VDR: variants seen among roughly 807,000 people sequenced by gnomAD.
The protein encoded by VDR is vitamin D receptor.
In VDR, 19 loss-of-function variants were observed where a neutral mutation model predicts 39.7. That is an observed-to-expected ratio of 0.48 (90% CI 0.33 to 0.70). The LOEUF (loss-of-function observed/expected upper bound fraction) is 0.70, where lower values mean the gene tolerates loss of function less well. VDR is among the 30% of genes least tolerant of loss of function. The pLI is 0.02. For missense variants in VDR, 442 were observed against 570.5 expected, an observed-to-expected ratio of 0.77 and a Z score of 2.29; for synonymous variants, 242 against 215.8, an observed-to-expected ratio of 1.12 and a Z score of -1.07.
chr12:47,904,570 C>T, intron 1 of VDR: 1 of 1,535,226 alleles, frequency 6.5e-7, no homozygotes, highest in Non-Finnish European at 8.7e-7. Context: ...ACACCCTCCA[C>T]TCCAGCAGTT....
intron 2 of VDR, 75 bp from the exon 3 acceptor site, chr12:47,879,190 C>G: frequency 1.3e-6 from 2 of 1,539,880 alleles, no homozygotes; most frequent in Non-Finnish European, 1.7e-6. Context: ...TGGTGCCACC[C>G]ACCCCCAGCC....
intron 3 of VDR, among the ~76,000 whole-genome samples, chr12:47,874,524 C>G (rs760935774): frequency 1.3e-5 from 2 of 152,172 alleles, no homozygotes; most frequent in Non-Finnish European, 2.9e-5. Context: ...CCCTGCACTC[C>G]GCATGACCCA....
intron 1 of VDR, among the ~76,000 whole-genome samples, chr12:47,894,907 A>G (rs547712766): frequency 1.3e-5 from 2 of 152,332 alleles, no homozygotes; most frequent in East Asian, 3.9e-4. Context: ...CACATGGGGC[A>G]TGAGGGCGGC....
At chr12:47,855,518 TAA>T in intron 7 of VDR, 110 bp downstream of exon 7, 1 of 1,335,596 alleles carries the variant, frequency 7.5e-7, no homozygotes, top group Non-Finnish European at 1.0e-6. Context: ...AGATGCCGTT[TAA>T]AAAAATAAAA....
At chr12:47,882,950 G>T (rs892743607) in intron 1 of VDR, 176 bp from the exon 2 acceptor site, 7 of 551,110 alleles carry the variant, frequency 1.3e-5, no homozygotes, top group African/African-American at 7.8e-5. Flanking sequence ...GCAGGGGTGT[G>T]GGGGTGGCGG....
chr12:47,898,244 A>C (rs888911150), intron 1 of VDR: 1 of 152,234 alleles, frequency 6.6e-6, no homozygotes, highest in Non-Finnish European at 1.5e-5. Flanking sequence ...ACAGGCACAC[A>C]CATGAGCCAG....
intron 3 of VDR, among the ~76,000 whole-genome samples, chr12:47,876,738 C>T (rs147757486): frequency 1.3e-5 from 2 of 152,328 alleles, no homozygotes; most frequent in Non-Finnish European, 2.9e-5. Flanking sequence ...AGGACCTGTC[C>T]TCTCTCCACC....
In VDR at chr12:47,858,948, G is replaced by A. The variant is rs912030810; in HGVS notation, c.278-1260C>T. 2.6e-4 allele frequency among the ~76,000 whole-genome samples: 40 copies of A among 152,170 alleles called. 1 individual carries two copies. The highest frequency in any genetic ancestry group is 1.7e-3 in the Admixed American group (26 of 15,280). On this transcript the variant is annotated intron_variant, in intron 4 of 9. Transcript: ENST00000549336. ...CCACAGGCATGGCAGGAAAGCGAGC[G>A]CTACTGCAAGAGATGGTGCTTCCCT...
chr12:47,895,536 C>G (rs1337128878), intron 1 of VDR, among the ~76,000 whole-genome samples: 2 of 152,086 alleles, frequency 1.3e-5, no homozygotes, highest in Non-Finnish European at 2.9e-5. Context: ...GGAGGGGTAC[C>G]TTCTAGTACG....
chr12:47,877,786 C>T (rs955152461), intron 3 of VDR, among the ~76,000 whole-genome samples: 1 of 152,198 alleles, frequency 6.6e-6, no homozygotes, highest in Non-Finnish European at 1.5e-5. Flanking sequence ...TTAGAGCCAG[C>T]GATGCTGCTT....
chr12:47,879,479 T>C (rs1946096300), intron 2 of VDR, among the ~76,000 whole-genome samples: 1 of 152,208 alleles, frequency 6.6e-6, no homozygotes, highest in Admixed American at 6.5e-5. Flanking sequence ...AACCCATTCA[T>C]GCTACTGGCA....
chr12:47,879,088 G>A lies in VDR; in HGVS notation c.26C>T (p.Ser9Phe), dbSNP rs1348964021. ...GTCAAAGTCTCCAGGGTCAGGCAGG[G>A]AAGTGCTGGCCGCCATTGCCTCCAT... is the stretch of plus-strand genomic sequence containing the variant. MEAMAAST[S>F]LPDPGDFDRN... The change falls in exon 3 of 10, where the codon TCC becomes TTC. Residue 9 changes from serine to phenylalanine, a missense_variant. Ser to Phe is a radical substitution (Grantham distance 155). Around this residue, in one of 5 missense-constraint regions of VDR, gnomAD observed 141 missense variants for 141.3 expected, o/e 1.00. Transcript: ENST00000549336. 1.9e-6 allele frequency: 3 copies of A among 1,613,962 alleles called. No individual in the cohort carries two copies. The highest frequency in any genetic ancestry group is 1.3e-5 in the African/African-American group (1 of 74,922).
intron 4 of VDR, among the ~76,000 whole-genome samples, chr12:47,862,721 G>GCTAT (rs956639389): frequency 6.6e-5 from 10 of 152,216 alleles, no homozygotes; most frequent in Non-Finnish European, 1.3e-4. Context: ...TCTCTGGGAT[G>GCTAT]CTATGCCTTG....
At chr12:47,863,157 C>A (rs779916077) in intron 4 of VDR, among the ~76,000 whole-genome samples, 4 of 152,108 alleles carry the variant, frequency 2.6e-5, no homozygotes, top group Non-Finnish European at 5.9e-5. Flanking sequence ...TGGTGCTGCT[C>A]TTCACCATGG....
intron 1 of VDR, among the ~76,000 whole-genome samples, chr12:47,888,554 C>T (rs979407717): frequency 2.0e-5 from 3 of 152,188 alleles, no homozygotes; most frequent in Non-Finnish European, 4.4e-5. Flanking sequence ...GAAACTCTGC[C>T]CTTAGCTTTG....
chr12:47,866,277 C>A (rs1025823649), intron 3 of VDR, among the ~76,000 whole-genome samples: 16 of 150,668 alleles, frequency 1.1e-4, no homozygotes, highest in Admixed American at 2.0e-4. Flanking sequence ...CCGGCTAATT[C>A]TTTGTATTTT....
At position 47,890,412 on chromosome 12, in the gene VDR, A is replaced by G. The variant is rs1201649511; in HGVS notation, c.-83-7638T>C. 2.7e-5 allele frequency among the ~76,000 whole-genome samples: 4 copies of G among 149,966 alleles called. No individual in the cohort carries two copies. The East Asian group carries it at 7.8e-4, about 29-fold the overall frequency. On this transcript the variant is annotated intron_variant, in intron 1 of 9. Transcript: ENST00000549336. ...ATATATATATAAATCTAACACATAA[A>G]CTAAATTCAGGATTGATCCCAACCT...
intron 3 of VDR, among the ~76,000 whole-genome samples, chr12:47,878,431 A>G (rs975572669): frequency 1.3e-5 from 2 of 152,214 alleles, no homozygotes; most frequent in African/African-American, 4.8e-5. Flanking sequence ...CATTCCTGAC[A>G]CTGCCTGGAT....
chr12:47,856,661 C>T (rs1945495629), intron 6 of VDR, among the ~76,000 whole-genome samples: 1 of 151,540 alleles, frequency 6.6e-6, no homozygotes, highest in Non-Finnish European at 1.5e-5. Flanking sequence ...AAGCATGATG[C>T]CTCCCAGACT....
Sources: allele counts gnomAD v4.1 joint callset (sites outside exome capture counted in the v4.1 genomes callset), GRCh38; gene constraint gnomAD v4.1.1; regional missense constraint gnomAD v4.1.1; transcripts MANE v1.5; gene names NCBI Gene and HGNC (gene_info 2026-07-23, HGNC 2026-07-21).